STX18: variants seen among roughly 807,000 people sequenced by gnomAD.
The protein encoded by STX18 is syntaxin 18.
Under a neutral mutation model 50.1 loss-of-function variants are expected in STX18, and 40 were observed. That is an observed-to-expected ratio of 0.80 (90% confidence interval 0.62 to 1.04). The LOEUF (loss-of-function observed/expected upper bound fraction) is 1.04. Among genes scored for constraint, STX18 ranks in the 50% least tolerant of loss-of-function variants. The pLI, the probability that STX18 is intolerant of heterozygous loss-of-function variation, is 0.00. For synonymous variants in STX18, 158 were observed against 151.8 expected (o/e 1.04, Z -0.30); for missense variants, 410 against 415.8 (o/e 0.99, Z 0.12).
chr4:4,467,558 C>A (rs1727681015), intron 2 of STX18, among the ~76,000 whole-genome samples: 1 of 152,174 alleles, frequency 6.6e-6, no homozygotes. Flanking sequence ...TCAGAGCTCA[C>A]CAGCTGTGAT....
chr4:4,437,944 G>A (rs562650852), intron 6 of STX18, among the ~76,000 whole-genome samples: 1 of 152,356 alleles, frequency 6.6e-6, no homozygotes, highest in Non-Finnish European at 1.5e-5. Flanking sequence ...TGTGGTGATA[G>A]GCAGCACGTC....
intron 5 of STX18, among the ~76,000 whole-genome samples, chr4:4,440,682 C>G (rs1229149040): frequency 1.3e-5 from 2 of 152,212 alleles, no homozygotes; most frequent in East Asian, 3.8e-4. Flanking sequence ...TGCAGACACT[C>G]TCTTCACAGA....
intron 1 of STX18, among the ~76,000 whole-genome samples, chr4:4,529,522 C>G (rs1345997079): frequency 6.6e-6 from 1 of 151,798 alleles, no homozygotes; most frequent in Non-Finnish European, 1.5e-5. Flanking sequence ...TGATAACATA[C>G]TAAAGAGCAA....
At chr4:4,507,675 A>T in intron 1 of STX18, 1 of 829,126 alleles carries the variant, frequency 1.2e-6, no homozygotes, top group Non-Finnish European at 2.1e-6. Flanking sequence ...GTTCGTTTGG[A>T]CAAAGCCCAG....
chr4:4,482,009 G>A (rs1385373208), intron 1 of STX18, among the ~76,000 whole-genome samples: 1 of 152,124 alleles, frequency 6.6e-6, no homozygotes, highest in East Asian at 1.9e-4. Flanking sequence ...CACCAAACTC[G>A]GATGGCTCTC....
At chr4:4,493,908 A>G (rs1328970788) in intron 1 of STX18, among the ~76,000 whole-genome samples, 2 of 152,216 alleles carry the variant, frequency 1.3e-5, no homozygotes, top group African/African-American at 4.8e-5. Flanking sequence ...AGAACTGGAA[A>G]GAGGTTCGTG....
At position 4,520,383 on chromosome 4, in the gene STX18, G is replaced by A. The variant is rs1031951711; in HGVS notation, c.168+21414C>T. Among the ~76,000 whole-genome samples, 6 of 152,092 alleles carry A rather than the reference G, an allele frequency of 3.9e-5. No homozygotes were observed. The East Asian group carries it at 9.6e-4, about 24-fold the overall frequency. On this transcript the variant is annotated intron_variant, in intron 1 of 10. Coordinates refer to ENST00000306200, the MANE Select transcript of STX18 (RefSeq NM_016930.4). ...CTTCCACACACACAAAATATAATAAGTGCAATTCTAAAACAGTGAGCTAGA... is the reference window on the plus strand; with the variant it reads ...CTTCCACACACACAAAATATAATAAATGCAATTCTAAAACAGTGAGCTAGA...
At chr4:4,480,812 G>GT (rs900114395) in intron 1 of STX18, among the ~76,000 whole-genome samples, 1 of 152,162 alleles carries the variant, frequency 6.6e-6, no homozygotes, top group Non-Finnish European at 1.5e-5. Context: ...AAAAACAGCA[G>GT]TTTTTTCCCA....
chr4:4,471,364 CTG>C (rs1468114484), intron 2 of STX18, among the ~76,000 whole-genome samples: 1 of 152,182 alleles, frequency 6.6e-6, no homozygotes, highest in Non-Finnish European at 1.5e-5. Flanking sequence ...AAATACAGCT[CTG>C]TAAGTACTCA....
At chr4:4,514,648 G>C (rs1014553010) in intron 1 of STX18, among the ~76,000 whole-genome samples, 2 of 152,086 alleles carry the variant, frequency 1.3e-5, no homozygotes, top group Admixed American at 1.3e-4. Flanking sequence ...TCTTTGATCC[G>C]AAGGAGCTTA....
At chr4:4,481,747 G>A (rs564647212) in intron 1 of STX18, 5 of 152,290 alleles carry the variant, frequency 3.3e-5, no homozygotes, top group Non-Finnish European at 5.9e-5. Context: ...ACCTGCTGAT[G>A]TCACAGTGGG....
rs1283596132 is a variant in STX18 at position 4,446,624 on chromosome 4, T to C, written c.498-8115A>G. On this transcript the variant is annotated intron_variant, in intron 5 of 10. Transcript: ENST00000306200. ...CAATGAAATACCACTCCACATCCAG[T>C]AGAATGGCTAGAAAAAATGGCCAAT... Among the ~76,000 whole-genome samples, 4 of 152,210 alleles carry C rather than the reference T, an allele frequency of 2.6e-5. No individual in the cohort carries two copies. The East Asian group carries it at 7.7e-4, about 29-fold the overall frequency.
At chr4:4,466,605 C>A (rs1176748197) in intron 2 of STX18, among the ~76,000 whole-genome samples, 4 of 152,044 alleles carry the variant, frequency 2.6e-5, no homozygotes, top group Non-Finnish European at 5.9e-5. Flanking sequence ...CACTCTAGAG[C>A]GGATGGGAGG....
In STX18 at chr4:4,541,851, C is replaced by T. The variant is rs1316231923; in HGVS notation, c.114G>A (p.Leu38=). The T allele has an allele frequency of 1.1e-5, 17 of 1,611,388 alleles. No individual in the cohort carries two copies. Among genetic ancestry groups the T allele is most frequent in the Non-Finnish European group, 1.4e-5 (17 of 1,179,276 alleles). The change falls in exon 1 of 11, where the codon CTG becomes CTA. Residue 38 remains leucine, a synonymous_variant. Transcript: ENST00000306200. ...GGGVDGSRDE[L]FRRSPRPKGD... ...CCTTGGGCCGGGGGCTCCGGCGGAA[C>T]AGCTCGTCCCGGCTGCCATCGACCC... is the stretch of plus-strand genomic sequence containing the variant.
intron 6 of STX18, among the ~76,000 whole-genome samples, chr4:4,435,067 ATG>A (rs1279824130): frequency 1.3e-5 from 2 of 152,008 alleles, no homozygotes; most frequent in African/African-American, 4.8e-5. Context: ...AGGCACGTGC[ATG>A]TGTGTGTGTG....
chr4:4,433,534 T>TAAAA (rs10676475), intron 7 of STX18, among the ~76,000 whole-genome samples: 17,624 of 110,410 alleles, frequency 0.16, 1,353 homozygotes, highest in African/African-American at 0.23. Flanking sequence ...AAAAATAAAT[T>TAAAA]AAAAAAAAAA....
chr4:4,452,716 C>T (rs1726823972), intron 5 of STX18, among the ~76,000 whole-genome samples: 1 of 152,204 alleles, frequency 6.6e-6, no homozygotes, highest in South Asian at 2.1e-4. Flanking sequence ...AAAAACCTCA[C>T]ATTTCATAGG....
chr4:4,437,177 T>C (rs1725835600), intron 6 of STX18, among the ~76,000 whole-genome samples: 1 of 152,130 alleles, frequency 6.6e-6, no homozygotes, highest in Admixed American at 6.6e-5. Flanking sequence ...CTGGTCTTGA[T>C]GTCCTGACCT....
chr4:4,445,062 G>T (rs966073221), intron 5 of STX18, among the ~76,000 whole-genome samples: 2 of 152,086 alleles, frequency 1.3e-5, no homozygotes, highest in Non-Finnish European at 2.9e-5. Flanking sequence ...CAAAACTACT[G>T]TTATTCACAT....
Sources: gnomAD v4.1 joint callset for allele counts (sites outside exome capture counted in the v4.1 genomes callset) on GRCh38, gnomAD v4.1.1 for gene constraint, MANE v1.5 for transcripts, NCBI Gene and HGNC (gene_info 2026-07-23, HGNC 2026-07-21) for gene names.